The following NMU variants were observed in gnomAD, a reference collection of about 807,000 sequenced individuals.
The protein encoded by NMU is neuromedin-U.
A neutral mutation model predicts 35.4 loss-of-function variants in NMU; 29 were observed. The observed-to-expected ratio is 0.82, with a 90% CI of 0.61 to 1.12. The LOEUF (loss-of-function observed/expected upper bound fraction) is 1.12, where lower values mean the gene tolerates loss of function less well. NMU is among the 50% of genes most tolerant of loss of function. The pLI is 0.00. For synonymous variants in NMU, 78 were observed against 81.3 expected, an observed-to-expected ratio of 0.96 and a Z score of 0.22; for missense variants, 199 against 206.2, an observed-to-expected ratio of 0.97 and a Z score of 0.21.
intron 6 of NMU, among the ~76,000 whole-genome samples, chr4:55,606,653 C>T (rs998201327): frequency 2.0e-5 from 3 of 151,030 alleles, no homozygotes; most frequent in Non-Finnish European, 4.4e-5. Context: ...GAATGTGTTT[C>T]ACAAAAGCAG....
At chr4:55,604,352 G>A (rs1024069525) in intron 7 of NMU, among the ~76,000 whole-genome samples, 1 of 151,518 alleles carries the variant, frequency 6.6e-6, no homozygotes, top group African/African-American at 2.4e-5. Flanking sequence ...AGGCATGAGC[G>A]ACAAGAGTTA....
chr4:55,595,998 G>A (rs895615475), intron 9 of NMU, among the ~76,000 whole-genome samples: 5 of 151,980 alleles, frequency 3.3e-5, no homozygotes, highest in Non-Finnish European at 7.4e-5. Context: ...CACTTATTCT[G>A]TATGTCTGTG....
At chr4:55,625,169 TA>T (rs760890031) in intron 2 of NMU, among the ~76,000 whole-genome samples, 3,028 of 98,286 alleles carry the variant, frequency 0.031, 65 homozygotes, top group African/African-American at 0.086. Context: ...AAAGTATAAT[TA>T]AAAAAAAAAA....
intron 1 of NMU, among the ~76,000 whole-genome samples, chr4:55,632,932 G>A: frequency 6.7e-6 from 1 of 149,954 alleles, no homozygotes; most frequent in Non-Finnish European, 1.5e-5. Context: ...GGTATTTTGT[G>A]GCTCTTCTAA....
At chr4:55,616,193 T>C in intron 3 of NMU, 145 bp downstream of exon 3, 1 of 685,582 alleles carries the variant, frequency 1.5e-6, no homozygotes, top group Non-Finnish European at 2.7e-6. Flanking sequence ...GCCCACAGTA[T>C]TGATTATTAT....
Position 55,614,102 on chromosome 4 carries a change from T to C in NMU, c.219+2236A>G, listed in dbSNP as rs1734029638. ...AAGGGACTTGTGAATCTATCTCTTT[T>C]ATATAATTTCTTTCATTTCTTTCCT... On this transcript the variant is annotated intron_variant, in intron 3 of 9. Transcript: ENST00000264218. Among the ~76,000 whole-genome samples the C allele has an allele frequency of 2.0e-5, 3 of 152,346 alleles. No individual in the cohort carries two copies. The South Asian group carries it at 6.2e-4, about 32-fold the overall frequency.
In NMU at chr4:55,605,266, A is replaced by G. The variant is rs1873091; in HGVS notation, c.435+9T>C. On this transcript the variant is annotated intron_variant, in intron 7 of 9. Transcript: ENST00000264218. Reference sequence around the variant, plus strand: ...ATGGCAAAGCCAGCATGCAGTTTGTATTACATACGTCCACTCTGAATCTCT... The same window carrying G: ...ATGGCAAAGCCAGCATGCAGTTTGTGTTACATACGTCCACTCTGAATCTCT... 282,362 of 1,594,466 alleles carry G rather than the reference A, an allele frequency of 0.18. 26,460 individuals carry two copies. The highest frequency in any genetic ancestry group is 0.21 in the South Asian group (19,487 of 90,716).
At chr4:55,616,727 A>G (rs1248755617) in intron 2 of NMU, among the ~76,000 whole-genome samples, 1 of 152,234 alleles carries the variant, frequency 6.6e-6, no homozygotes, top group East Asian at 1.9e-4. Flanking sequence ...ATGACCTTGA[A>G]ATTAAGGCAG....
At chr4:55,615,178 C>T (rs1734067134) in intron 3 of NMU, among the ~76,000 whole-genome samples, 1 of 152,230 alleles carries the variant, frequency 6.6e-6, no homozygotes, top group Non-Finnish European at 1.5e-5. Flanking sequence ...TCTTAAGTGT[C>T]CATGCAGAGG....
intron 7 of NMU, among the ~76,000 whole-genome samples, chr4:55,601,232 C>T (rs1472205374): frequency 2.0e-5 from 3 of 151,972 alleles, no homozygotes; most frequent in East Asian, 1.9e-4. Flanking sequence ...AATACATTAA[C>T]ATTTTATGGT....
intron 2 of NMU, 80 bp from the exon 3 acceptor site, chr4:55,616,465 CCTATGGAACATTAACCACAGTTCCATGA>C: frequency 9.5e-7 from 1 of 1,053,910 alleles, no homozygotes; most frequent in Non-Finnish European, 1.5e-6. Context: ...AGTCACATTA[CCTATGGAACATTAACCACAGTTCCATGA>C]TAGTTTAGGA....
chr4:55,609,229 T>C, intron 3 of NMU, 50 bp from the exon 4 acceptor site: 1 of 1,420,968 alleles, frequency 7.0e-7, no homozygotes, highest in Middle Eastern at 1.7e-4. Context: ...TTAACGACAT[T>C]TACATAGAAG....
chr4:55,634,534 T>C lies in NMU; in HGVS notation c.112+1547A>G, dbSNP rs564199382. ...TGTTCAATCAACAGCAGTCTGAAAT[T>C]CTCCAACCCACCCCAAGGCAGTTAT... On this transcript the variant is annotated intron_variant, in intron 1 of 9. Coordinates refer to ENST00000264218, the MANE Select transcript of NMU (RefSeq NM_006681.4). Among the ~76,000 whole-genome samples the C allele has an allele frequency of 9.9e-5, 15 of 152,276 alleles. 1 individual carries two copies. The highest frequency in any genetic ancestry group is 3.6e-4 in the African/African-American group (15 of 41,564).
In NMU at chr4:55,627,632, C is replaced by T. The variant is rs375720589; in HGVS notation, c.171+2770G>A. ...TTCTAAATACTTACAGATTTTGTCA[C>T]CATTGTGTGTACTACAATATTTTAA... On this transcript the variant is annotated intron_variant, in intron 2 of 9. Transcript: ENST00000264218. Among the ~76,000 whole-genome samples the T allele has an allele frequency of 5.5e-4, 83 of 152,230 alleles. 2 individuals are homozygous for T. In the East Asian group the frequency reaches 0.011, roughly 21 times the overall value.
At chr4:55,614,762 G>T (rs1471092778) in intron 3 of NMU, among the ~76,000 whole-genome samples, 1 of 152,162 alleles carries the variant, frequency 6.6e-6, no homozygotes, top group Non-Finnish European at 1.5e-5. Flanking sequence ...TAGTACTAAA[G>T]AACTAGAAGT....
At chr4:55,595,563 T>TATATATATATATACACAC (rs755203914) in intron 9 of NMU, among the ~76,000 whole-genome samples, 152 bp from the exon 10 acceptor site, 35 of 120,052 alleles carry the variant, frequency 2.9e-4, no homozygotes, top group Middle Eastern at 4.2e-3. Flanking sequence ...TATATATATA[T>TATATATATATATACACAC]ACACACACAC....
In NMU at chr4:55,607,307, T is replaced by G; in HGVS notation, c.351A>C (p.Ser117=). ...HYSKTQKLGK[S]NVVSSVVHPL... ...TAGTTCTACAACTTACCACAACATT[T>G]GACTTGCCCAACTTCTGTGTCTTCG... Residue 117 remains serine (S), a synonymous_variant, in exon 6 of 10, where the codon TCA becomes TCC. Transcript: ENST00000264218. 2 of 1,607,010 alleles carry G rather than the reference T, an allele frequency of 1.2e-6. No individual in the cohort carries two copies. The highest frequency in any genetic ancestry group is 1.7e-6 in the Non-Finnish European group (2 of 1,173,940).
chr4:55,629,316 G>A (rs1487290961), intron 2 of NMU, among the ~76,000 whole-genome samples: 1 of 151,620 alleles, frequency 6.6e-6, no homozygotes, highest in East Asian at 1.9e-4. Context: ...GTCCAGACTG[G>A]TCTTAAATTC....
At chr4:55,602,358 T>C (rs922592616) in intron 7 of NMU, among the ~76,000 whole-genome samples, 3 of 152,246 alleles carry the variant, frequency 2.0e-5, no homozygotes, top group Non-Finnish European at 4.4e-5. Context: ...TCTCCTGCAA[T>C]TGCATTTCTA....
Sources: allele counts gnomAD v4.1 joint callset (sites outside exome capture counted in the v4.1 genomes callset), GRCh38; gene constraint gnomAD v4.1.1; transcripts MANE v1.5; gene names NCBI Gene and HGNC (gene_info 2026-07-23, HGNC 2026-07-21).